GGA2: variants seen among roughly 807,000 people sequenced by gnomAD.
The protein encoded by GGA2 is ADP-ribosylation factor-binding protein GGA2.
Under a neutral mutation model 79.5 loss-of-function variants are expected in GGA2, and 48 were observed. That is an observed-to-expected ratio of 0.60 (90% CI 0.48 to 0.77). The LOEUF is 0.77. Among genes scored for constraint, GGA2 ranks in the 30% least tolerant of loss-of-function variants. The probability of loss-of-function intolerance (pLI) is 0.00; values close to 1 mark genes in which losing one functional copy is unlikely to be tolerated. For missense variants in GGA2, 770 were observed against 774.0 expected (o/e 0.99, Z 0.06); for synonymous variants, 317 against 302.0 (o/e 1.05, Z -0.51).
At chr16:23,478,937 G>A (rs776626780) in intron 11 of GGA2, 26 bp from the exon 12 acceptor site, 1 of 1,537,068 alleles carries the variant, frequency 6.5e-7, no homozygotes, top group Non-Finnish European at 9.0e-7. Context: ...AGAGTGAGAT[G>A]CCTAACAGTA....
At chr16:23,492,483 C>CA (rs941500136) in intron 4 of GGA2, among the ~76,000 whole-genome samples, 3 of 152,054 alleles carry the variant, frequency 2.0e-5, no homozygotes, top group African/African-American at 7.2e-5. Context: ...CAAAACAAAA[C>CA]AAAAAAACCT....
chr16:23,522,493 T>C (rs1306094005), upstream of GGA2: 3 of 152,334 alleles, frequency 2.0e-5, no homozygotes, highest in African/African-American at 7.2e-5. Context: ...TTTTGGTAGA[T>C]GCTGTGGCTC....
chr16:23,487,654 T>C (rs1365250735), intron 6 of GGA2, among the ~76,000 whole-genome samples: 4 of 151,904 alleles, frequency 2.6e-5, no homozygotes, highest in African/African-American at 9.7e-5. Flanking sequence ...TGACACAGGA[T>C]TGTTTCTCAG....
rs772745327 is a variant in GGA2, at chr16:23,491,704, C to T, written c.448G>A (p.Asp150Asn). 38 of 1,613,054 alleles carry T rather than the reference C, an allele frequency of 2.4e-5. No individual in the cohort carries two copies. The highest frequency in any genetic ancestry group is 2.3e-5 in the Non-Finnish European group (27 of 1,179,188). ...TGTTTCTTCAGCATCTGATAAGCGT[C>T]TCGAATCTTGATGTCTTCCGGAAAC... ...VWFPEDIKIR[D>N]AYQMLKKQGI... is the part of the protein sequence containing the mutation. The change falls in exon 5 of 17, where the codon GAC (aspartate) becomes AAC (asparagine). Residue 150 changes from aspartate (D) to asparagine (N), a missense_variant. Asp to Asn is a conservative substitution (Grantham distance 23). Transcript: ENST00000309859.
chr16:23,495,130 A>T (rs1463792773), intron 2 of GGA2, among the ~76,000 whole-genome samples: 1 of 151,902 alleles, frequency 6.6e-6, no homozygotes, highest in Non-Finnish European at 1.5e-5. Context: ...AAACATCTGG[A>T]TGACTCACTT....
chr16:23,483,971 A>G (rs1363321925), intron 8 of GGA2, among the ~76,000 whole-genome samples: 1 of 149,854 alleles, frequency 6.7e-6, no homozygotes, highest in East Asian at 2.0e-4. Flanking sequence ...TAGATGTGAT[A>G]ACAAAAGCAC....
chr16:23,472,856 A>G (rs1964528335), intron 14 of GGA2, among the ~76,000 whole-genome samples: 1 of 151,920 alleles, frequency 6.6e-6, no homozygotes, highest in Non-Finnish European at 1.5e-5. Context: ...AACACGGTGA[A>G]ACCCTGTCTC....
rs1405811759 is a variant in GGA2 at position 23,465,616 on chromosome 16, C to T, written c.*1974G>A. On this transcript the variant is annotated 3_prime_UTR_variant, in exon 17 of 17. Transcript: ENST00000309859. Reference sequence around the variant, plus strand: ...GCTGTCATTATGATGGGTACCTCTTCAAGACTACGCAACAGTAACAGAGCC... The same window carrying T: ...GCTGTCATTATGATGGGTACCTCTTTAAGACTACGCAACAGTAACAGAGCC... 2 of 583,814 alleles carry T rather than the reference C, an allele frequency of 3.4e-6. No individual in the cohort carries two copies. The highest frequency in any genetic ancestry group is 6.1e-6 in the Non-Finnish European group (2 of 327,108). The allele number at this position is 583,814 out of a possible 1,614,324, so 36.2% of individuals were successfully genotyped here. A position where few individuals can be genotyped will look rare whatever the true frequency, so the allele number is the denominator to read the frequency against.
chr16:23,506,308 T>C lies in GGA2; in HGVS notation c.91+4013A>G, dbSNP rs145482996. On this transcript the variant is annotated intron_variant, in intron 1 of 16. Transcript: ENST00000309859. The stretch of plus-strand genomic sequence containing the variant: ...CCATTGCAGCACCAATGGCCCACCA[T>C]CCCCAACAAATCTGACTTAACCCAT... 6.5e-3 allele frequency among the ~76,000 whole-genome samples: 981 copies of C among 152,080 alleles called. 12 individuals are homozygous for C. The highest frequency in any genetic ancestry group is 0.023 in the African/African-American group (947 of 41,474).
Position 23,510,259 on chromosome 16 carries a change from G to A in GGA2, c.91+62C>T, listed in dbSNP as rs1362539683. 12 of 1,108,134 alleles carry A rather than the reference G, an allele frequency of 1.1e-5. No homozygotes were observed. In the East Asian group the frequency reaches 4.0e-4, roughly 37 times the overall value. The allele number at this position is 1,108,134 out of a possible 1,614,324, so 68.6% of individuals were successfully genotyped here. A position where few individuals can be genotyped will look rare whatever the true frequency, so the allele number is the denominator to read the frequency against. Reference sequence around the variant, plus strand: ...CCGCCCCGAAGCAAGGCCCCGGGAGGCGGGAAGCGAGGCCTCACGTGCGGC... The same window carrying A: ...CCGCCCCGAAGCAAGGCCCCGGGAGACGGGAAGCGAGGCCTCACGTGCGGC... On this transcript the variant is annotated intron_variant, in intron 1 of 16. Coordinates refer to ENST00000309859, the MANE Select transcript of GGA2 (RefSeq NM_015044.4).
At chr16:23,491,306 C>CAA (rs35347154) in intron 5 of GGA2, among the ~76,000 whole-genome samples, 1,837 of 64,172 alleles carry the variant, frequency 0.029, 48 homozygotes, top group Middle Eastern at 0.05. Flanking sequence ...CACCTTGTCT[C>CAA]AAAAAAAAAA....
In GGA2 at chr16:23,478,377, G is replaced by A. The variant is rs751579007; in HGVS notation, c.1283C>T (p.Pro428Leu). ...LLDLLSAQPAPCPLNYVSQKS... is the reference protein window; with the variant it reads ...LLDLLSAQPALCPLNYVSQKS... ...TGCCCAGAAGACTCACAGAGGGCAC[G>A]GAGCTGGCTGTGCTGAGAGGAGGTC... The change falls in exon 13 of 17, where the codon CCG (proline) becomes CTG (leucine). Residue 428 changes from proline (P) to leucine (L), a missense_variant. Coordinates refer to ENST00000309859, the MANE Select transcript of GGA2 (RefSeq NM_015044.4). The A allele has an allele frequency of 2.8e-5, 44 of 1,595,672 alleles. 1 individual carries two copies. In the South Asian group the frequency reaches 3.0e-4, roughly 11 times the overall value.
At chr16:23,500,184 G>C (rs371717799) in intron 1 of GGA2, among the ~76,000 whole-genome samples, 1 of 152,234 alleles carries the variant, frequency 6.6e-6, no homozygotes, top group African/African-American at 2.4e-5. Flanking sequence ...GGTGGGGTGC[G>C]GGCTGCTAGT....
intron 1 of GGA2, among the ~76,000 whole-genome samples, chr16:23,505,111 A>G (rs1411650002): frequency 6.6e-6 from 1 of 151,890 alleles, no homozygotes; most frequent in African/African-American, 2.4e-5. Flanking sequence ...CTGCAGGGGG[A>G]CTCCTTCCCT....
At chr16:23,483,365 G>A (rs758474905) in intron 8 of GGA2, among the ~76,000 whole-genome samples, 1 of 152,288 alleles carries the variant, frequency 6.6e-6, no homozygotes, top group East Asian at 1.9e-4. Context: ...AAGTTAGTGG[G>A]TGCCTGTAAT....
At chr16:23,478,217 A>C (rs1175744939) in intron 13 of GGA2, 151 bp downstream of exon 13, 2 of 599,092 alleles carry the variant, frequency 3.3e-6, no homozygotes, top group Admixed American at 3.3e-5. Context: ...AAAAAAAAGA[A>C]AAAAAGACAA....
chr16:23,510,332 T>C lies in GGA2; in HGVS notation c.80A>G (p.Glu27Gly), dbSNP rs1450271285. 2.8e-6 allele frequency: 4 copies of C among 1,436,008 alleles called. No homozygotes were observed. The highest frequency in any genetic ancestry group is 3.7e-6 in the Non-Finnish European group (4 of 1,095,352). 89.0% of individuals were successfully genotyped at this position (1,436,008 alleles called of 1,614,324 possible). A position where few individuals can be genotyped will look rare whatever the true frequency, so the allele number is the denominator to read the frequency against. ...GCCAGGCTACTCACTGAGCCACAGC[T>C]CCAGCGACGCTGCCGGGCCCGGGGG... The part of the protein sequence containing the change: ...QGPPGPAASL[E>G]LWLNKATDPS... The change falls in exon 1 of 17, where the codon GAG becomes GGG. Residue 27 changes from glutamate (E) to glycine (G), a missense_variant. Coordinates refer to ENST00000309859, the MANE Select transcript of GGA2 (RefSeq NM_015044.4).
At chr16:23,487,772 C>T (rs908300660) in intron 6 of GGA2, among the ~76,000 whole-genome samples, 10 of 152,090 alleles carry the variant, frequency 6.6e-5, no homozygotes, top group Admixed American at 5.9e-4. Context: ...TAGCCTTGCT[C>T]ATTCTAACAA....
At chr16:23,471,069 G>C (rs1029806467) in intron 14 of GGA2, among the ~76,000 whole-genome samples, 2 of 151,776 alleles carry the variant, frequency 1.3e-5, no homozygotes, top group Non-Finnish European at 1.5e-5. Context: ...TCAAACTCCC[G>C]ACCTCAGGTG....
Sources: gnomAD v4.1 joint callset for allele counts (sites outside exome capture counted in the v4.1 genomes callset) on GRCh38, gnomAD v4.1.1 for gene constraint, MANE v1.5 for transcripts, NCBI Gene and HGNC (gene_info 2026-07-23, HGNC 2026-07-21) for gene names.